Variants in COX11 observed in about 807,000 individuals in gnomAD.
The protein encoded by COX11 is cytochrome c oxidase copper chaperone COX11, also known as cytochrome c oxidase assembly protein COX11, mitochondrial.
Under a neutral mutation model 29.4 loss-of-function variants are expected in COX11, and 18 were observed. The observed-to-expected ratio is 0.61, with a 90% CI of 0.42 to 0.91. The LOEUF (loss-of-function observed/expected upper bound fraction) is 0.91. COX11 is among the 40% of genes least tolerant of loss of function. The probability of loss-of-function intolerance (pLI) is 0.00; values close to 1 mark genes in which losing one functional copy is unlikely to be tolerated. For missense variants in COX11, 312 were observed against 346.0 expected, an observed-to-expected ratio of 0.90 and a Z score of 0.78; for synonymous variants, 131 against 124.0, an observed-to-expected ratio of 1.06 and a Z score of -0.38.
downstream of COX11, chr17:54,959,641 A>G (rs970550560): frequency 6.8e-6 from 1 of 146,006 alleles, no homozygotes; most frequent in Non-Finnish European, 1.5e-5. Flanking sequence ...TTTTGAGACG[A>G]AAGTCTTGCT....
At chr17:54,952,406 G>C (rs770840844) in exon 1 of COX11, 6 of 152,006 alleles carry the variant, frequency 3.9e-5, no homozygotes, top group Non-Finnish European at 7.3e-5. Flanking sequence ...AATTAGGCAG[G>C]TGTGGTGGTG....
rs568886281 is a variant in COX11, at chr17:54,968,367, T to A, written c.280A>T (p.Thr94Ser). The change falls in exon 1 of 4, where the codon ACG becomes TCG. Residue 94 changes from threonine (T) to serine (S), a missense_variant. Thr to Ser is a moderately conservative substitution (Grantham distance 58). Around this residue, in one of 2 missense-constraint regions of COX11, gnomAD observed 182 missense variants for 240.0 expected, o/e 0.76. Transcript: ENST00000299335. ...QEEERRRQNK[T>S]TLTYVAAVAV... Reference sequence around the variant, plus strand: ...ACAGCGGCCACGTAAGTGAGGGTCGTCTTGTTCTGCCGCCGCCGCTCCTCC... The same window carrying A: ...ACAGCGGCCACGTAAGTGAGGGTCGACTTGTTCTGCCGCCGCCGCTCCTCC... 2 of 1,612,770 alleles carry A rather than the reference T, an allele frequency of 1.2e-6. No homozygotes were observed. Among genetic ancestry groups the A allele is most frequent in the South Asian group, 1.1e-5 (1 of 91,066 alleles).
chr17:54,958,182 G>A (rs2076999237), downstream of COX11: 1 of 152,250 alleles, frequency 6.6e-6, no homozygotes, highest in Non-Finnish European at 1.5e-5. Flanking sequence ...CTCAGTACCA[G>A]ATGAGGAAAA....
intron 1 of COX11, among the ~76,000 whole-genome samples, chr17:54,965,354 C>A (rs1303384145): frequency 2.0e-5 from 3 of 152,158 alleles, no homozygotes; most frequent in African/African-American, 7.2e-5. Context: ...TATTAACATT[C>A]TGCTTTTCTA....
At position 54,960,669 on chromosome 17, in the gene COX11, T is replaced by A; in HGVS notation, c.*2064A>T. 7.1e-7 allele frequency: 1 copy of A among 1,405,240 alleles called. No homozygotes were observed. Among genetic ancestry groups the A allele is most frequent in the South Asian group, 1.2e-5 (1 of 86,558 alleles). The allele number at this position is 1,405,240 out of a possible 1,614,324, so 87.0% of individuals were successfully genotyped here. A position where few individuals can be genotyped will look rare whatever the true frequency, so the allele number is the denominator to read the frequency against. On this transcript the variant is annotated 3_prime_UTR_variant, in exon 4 of 4. Coordinates refer to ENST00000299335, the MANE Select transcript of COX11 (RefSeq NM_004375.5). ...ATACAACTTAATTCCATATTCCATA[T>A]AATTTCAGTATAATTATCACTTTAC...
chr17:54,959,538 C>T (rs1253463389), downstream of COX11: 1 of 150,928 alleles, frequency 6.6e-6, no homozygotes, highest in Non-Finnish European at 1.5e-5. Flanking sequence ...AAAAAAAGTA[C>T]AGAAATGACA....
chr17:54,962,675 A>C lies in COX11; in HGVS notation c.*58T>G. 2.6e-6 allele frequency: 4 copies of C among 1,568,598 alleles called. No homozygotes were observed. The highest frequency in any genetic ancestry group is 3.5e-6 in the Non-Finnish European group (4 of 1,157,784). Reference sequence around the variant, plus strand: ...TGTACAATATTTCTCCTTTGAGAAGATAGGATATATGATTTTCCCAAAAAT... The same window carrying C: ...TGTACAATATTTCTCCTTTGAGAAGCTAGGATATATGATTTTCCCAAAAAT... On this transcript the variant is annotated 3_prime_UTR_variant, in exon 4 of 4. Coordinates refer to ENST00000299335, the MANE Select transcript of COX11 (RefSeq NM_004375.5).
At chr17:54,968,140 T>C in intron 1 of COX11, 141 bp downstream of exon 1, 1 of 1,350,002 alleles carries the variant, frequency 7.4e-7, no homozygotes, top group South Asian at 1.5e-5. Context: ...AAGTGACTGT[T>C]TTGAACCTCT....
upstream of COX11, among the ~76,000 whole-genome samples, chr17:54,955,323 G>A (rs959744435): frequency 2.0e-5 from 3 of 152,152 alleles, no homozygotes; most frequent in South Asian, 2.1e-4. Flanking sequence ...TGGGGAGGTA[G>A]GTAAATCAAT....
intron 1 of COX11, among the ~76,000 whole-genome samples, chr17:54,965,511 A>G (rs2541240): frequency 0.76 from 116,075 of 152,064 alleles, 45,088 homozygotes; most frequent in African/African-American, 0.9. Flanking sequence ...AAGAGTATTT[A>G]TGTCTGACAT....
Position 54,960,458 on chromosome 17 carries a change from T to C in COX11, c.*2275A>G, listed in dbSNP as rs1293914914. On this transcript the variant is annotated 3_prime_UTR_variant, in exon 4 of 4. Coordinates refer to ENST00000299335, the MANE Select transcript of COX11 (RefSeq NM_004375.5). ...GACTTATTTTTACTCATATGTAGCC[T>C]GAACTCCAAAACCAGCTCAATTTTT... is the stretch of plus-strand genomic sequence containing the variant. The C allele has an allele frequency of 1.3e-6, 1 of 785,404 alleles. No homozygotes were observed. The highest frequency in any genetic ancestry group is 2.3e-6 in the Non-Finnish European group (1 of 440,322). The allele number at this position is 785,404 out of a possible 1,614,324, so 48.7% of individuals were successfully genotyped here.
Position 54,962,015 on chromosome 17 carries a change from A to T in COX11, c.*718T>A, listed in dbSNP as rs2077138706. 3.0e-6 allele frequency: 3 copies of T among 984,582 alleles called. No individual in the cohort carries two copies. The highest frequency in any genetic ancestry group is 3.6e-6 in the Non-Finnish European group (3 of 829,178). The allele number at this position is 984,582 out of a possible 1,614,324, so 61.0% of individuals were successfully genotyped here. On this transcript the variant is annotated 3_prime_UTR_variant, in exon 4 of 4. Coordinates refer to ENST00000299335, the MANE Select transcript of COX11 (RefSeq NM_004375.5). ...TCCAGAAGAACTTTTGATGTCAGTA[A>T]ATCTTCACAATCCCACCTGTACATT...
downstream of COX11, among the ~76,000 whole-genome samples, chr17:54,960,251 G>A (rs1450495799): frequency 1.3e-5 from 2 of 152,078 alleles, no homozygotes; most frequent in African/African-American, 4.8e-5. Flanking sequence ...TGTAATCCCA[G>A]CTACTCGTGG....
exon 1 of COX11, chr17:54,954,973 A>G (rs1343054376): frequency 6.6e-6 from 1 of 152,140 alleles, no homozygotes; most frequent in Non-Finnish European, 1.5e-5. Flanking sequence ...TTACAGTAAT[A>G]TATCATTTGC....
chr17:54,960,498 C>A lies in COX11; in HGVS notation c.*2235G>T. On this transcript the variant is annotated 3_prime_UTR_variant, in exon 4 of 4. Coordinates refer to ENST00000299335, the MANE Select transcript of COX11 (RefSeq NM_004375.5). ...GCTCAATTTTTAATTACAGTGCTGG[C>A]AGTTAAAAACCAAAATAGCACTTTG... is the stretch of plus-strand genomic sequence containing the variant. 1 of 1,182,682 alleles carries A rather than the reference C, an allele frequency of 8.5e-7. No homozygotes were observed. The highest frequency in any genetic ancestry group is 1.3e-6 in the Non-Finnish European group (1 of 789,276). 73.3% of individuals were successfully genotyped at this position (1,182,682 alleles called of 1,614,324 possible).
At chr17:54,955,686 TCA>T (rs751678139), downstream of COX11, among the ~76,000 whole-genome samples, 4 of 152,036 alleles carry the variant, frequency 2.6e-5, no homozygotes, top group Non-Finnish European at 5.9e-5. Flanking sequence ...GCGATGTCTC[TCA>T]GTCTCCCAGA....
downstream of COX11, among the ~76,000 whole-genome samples, chr17:54,958,730 CA>C (rs61603848): frequency 0.48 from 27,642 of 57,420 alleles, 3,942 homozygotes; most frequent in East Asian, 0.59. Flanking sequence ...AACTCCATCT[CA>C]AAAAAAAAAA....
In COX11 at chr17:54,954,926, T is replaced by A. The variant is rs2049417678; in HGVS notation, n.224A>T. 1.3e-5 allele frequency: 2 copies of A among 152,192 alleles called. 1 individual carries two copies. The highest frequency in any genetic ancestry group is 4.1e-4 in the South Asian group (2 of 4,834). The allele number at this position is 152,192 out of a possible 1,614,324, so 9.4% of individuals were successfully genotyped here. The stretch of plus-strand genomic sequence containing the variant: ...CAGTAAGTGACCCATATTCAGACCA[T>A]CTCTTCTGATCTAGGGAATACTGGA... On this transcript the variant is annotated non_coding_transcript_exon_variant, in exon 1 of 1. Coordinates refer to the COX11 transcript ENST00000572088.
intron 3 of COX11, 49 bp downstream of exon 3, chr17:54,963,257 C>T (rs774358366): frequency 5.1e-6 from 8 of 1,562,350 alleles, no homozygotes; most frequent in Admixed American, 3.8e-5. Context: ...CATACTAAAC[C>T]GTTTCATGTA....
Sources: gnomAD v4.1 joint callset for allele counts (sites outside exome capture counted in the v4.1 genomes callset) on GRCh38, gnomAD v4.1.1 for gene constraint, gnomAD v4.1.1 regional missense constraint, MANE v1.5 for transcripts, NCBI Gene and HGNC (gene_info 2026-07-23, HGNC 2026-07-21) for gene names.